RBFOX1: variants seen among roughly 807,000 people sequenced by gnomAD.
RBFOX1 encodes the protein RNA binding protein fox-1 homolog 1.
In RBFOX1, 8 loss-of-function variants were observed where a neutral mutation model predicts 57.7. The ratio of observed to expected loss-of-function variants is 0.14; its 90% CI spans 0.08 to 0.25. The LOEUF (loss-of-function observed/expected upper bound fraction) is 0.25, where lower values mean the gene tolerates loss of function less well. Among genes scored for constraint, RBFOX1 ranks in the 10% least tolerant of loss-of-function variants. RBFOX1 has a pLI of 1.00. For missense variants in RBFOX1, 611 were observed against 548.5 expected (o/e 1.11, Z -1.14); for synonymous variants, 326 against 222.4 (o/e 1.47, Z -4.15).
intron 2 of RBFOX1, among the ~76,000 whole-genome samples, chr16:6,527,525 G>A (rs1387870593): frequency 1.3e-5 from 2 of 152,088 alleles, no homozygotes; most frequent in Admixed American, 6.5e-5. Flanking sequence ...TTATGTTTCT[G>A]TCTGTTCACT....
At chr16:7,602,410 G>C (rs1407990393) in intron 9 of RBFOX1, among the ~76,000 whole-genome samples, 3 of 152,180 alleles carry the variant, frequency 2.0e-5, no homozygotes, top group East Asian at 1.9e-4. Context: ...GCTGGGACCA[G>C]TGGGCCTTAT....
At chr16:6,055,730 C>G (rs937316066) in intron 1 of RBFOX1, among the ~76,000 whole-genome samples, 4 of 151,714 alleles carry the variant, frequency 2.6e-5, no homozygotes, top group Non-Finnish European at 4.4e-5. Flanking sequence ...TCAGAAGGAG[C>G]GATCACCCAG....
chr16:7,260,365 C>T (rs2094870687), intron 4 of RBFOX1, among the ~76,000 whole-genome samples: 1 of 152,140 alleles, frequency 6.6e-6, no homozygotes, highest in African/African-American at 2.4e-5. Flanking sequence ...AAACGCCGCT[C>T]TTAAAAATTA....
At chr16:6,451,576 C>T (rs965670475) in intron 2 of RBFOX1, among the ~76,000 whole-genome samples, 1 of 152,136 alleles carries the variant, frequency 6.6e-6, no homozygotes, top group Non-Finnish European at 1.5e-5. Flanking sequence ...GGTATTACCA[C>T]CTTCACCTGG....
intron 3 of RBFOX1, among the ~76,000 whole-genome samples, chr16:7,021,848 C>G (rs922268831): frequency 3.3e-5 from 5 of 151,416 alleles, no homozygotes; most frequent in African/African-American, 1.2e-4. Flanking sequence ...TTGGTATTAT[C>G]TTCATTCTAA....
At chr16:7,371,471 C>T (rs2097564470) in intron 4 of RBFOX1, among the ~76,000 whole-genome samples, 1 of 152,152 alleles carries the variant, frequency 6.6e-6, no homozygotes, top group East Asian at 1.9e-4. Flanking sequence ...CATATATGGC[C>T]AGGTGCGGTG....
At chr16:7,236,151 C>T (rs1017963973) in intron 4 of RBFOX1, among the ~76,000 whole-genome samples, 3 of 152,182 alleles carry the variant, frequency 2.0e-5, no homozygotes, top group Non-Finnish European at 4.4e-5. Flanking sequence ...CTCACCTAAA[C>T]ATTGCTACTG....
intron 1 of RBFOX1, among the ~76,000 whole-genome samples, chr16:6,207,924 C>G (rs557912046): frequency 6.6e-6 from 1 of 151,948 alleles, no homozygotes; most frequent in African/African-American, 2.4e-5. Flanking sequence ...AATGTGACTC[C>G]AAATTATCGG....
At chr16:6,548,247 G>C (rs550792546) in intron 2 of RBFOX1, among the ~76,000 whole-genome samples, 3 of 152,156 alleles carry the variant, frequency 2.0e-5, no homozygotes, top group African/African-American at 7.2e-5. Flanking sequence ...TGTTTTGCTA[G>C]ATGTCAGCAA....
intron 2 of RBFOX1, among the ~76,000 whole-genome samples, chr16:6,402,996 T>C (rs2093136714): frequency 6.6e-6 from 1 of 152,210 alleles, no homozygotes; most frequent in South Asian, 2.1e-4. Context: ...CAGTTTTTTC[T>C]GTTTATTGTT....
At chr16:6,855,089 A>G (rs1013338636) in intron 3 of RBFOX1, among the ~76,000 whole-genome samples, 1 of 152,064 alleles carries the variant, frequency 6.6e-6, no homozygotes, top group African/African-American at 2.4e-5. Context: ...TCCCAACAGA[A>G]GAGAAGGATG....
chr16:6,940,458 A>C (rs1196192298), intron 3 of RBFOX1, among the ~76,000 whole-genome samples: 3 of 152,222 alleles, frequency 2.0e-5, no homozygotes, highest in African/African-American at 7.2e-5. Context: ...AAAACTGACG[A>C]GTGAGTGATG....
In RBFOX1 at chr16:6,641,778, A is replaced by AAAAAAAAAAAG. The variant is rs1568006199; in HGVS notation, c.-63-12825_-63-12824insAAAAAAAAAAG. 1.6e-4 allele frequency among the ~76,000 whole-genome samples: 5 copies of AAAAAAAAAAAG among 31,798 alleles called. 1 individual carries two copies. The highest frequency in any genetic ancestry group is 9.6e-4 in the Admixed American group (2 of 2,094). The allele number at this position is 31,798 out of a possible 152,430, so 20.9% of individuals were successfully genotyped here. ...AAAAAAAAAAAAAAAAAAAAAAAAA[A>AAAAAAAAAAAG]TAGGTTCTGCCCTGAGCCTTTCAGG... On this transcript the variant is annotated intron_variant, in intron 2 of 15. Coordinates refer to ENST00000550418, the MANE Select transcript of RBFOX1 (RefSeq NM_018723.4).
At chr16:6,351,800 A>G (rs928710979) in intron 2 of RBFOX1, among the ~76,000 whole-genome samples, 6 of 152,214 alleles carry the variant, frequency 3.9e-5, no homozygotes, top group African/African-American at 1.4e-4. Context: ...GGAAGGCAAA[A>G]TAAGGATATT....
intron 1 of RBFOX1, among the ~76,000 whole-genome samples, chr16:5,289,039 C>T (rs1171385483): frequency 2.0e-5 from 3 of 152,144 alleles, no homozygotes; most frequent in Admixed American, 6.5e-5. Flanking sequence ...GCAGGGGAAT[C>T]GCTTGAACCT....
rs576260242 is a variant in RBFOX1 at position 6,559,981 on chromosome 16, A to G, written c.-63-94622A>G. Among the ~76,000 whole-genome samples the G allele has an allele frequency of 1.2e-4, 18 of 152,266 alleles. No individual in the cohort carries two copies. In the South Asian group the frequency reaches 3.7e-3, roughly 32 times the overall value. ...CAACCCACATGAACAGACTTTTGTC[A>G]CAGGCCATTGTTCTTCAAGCCCATT... On this transcript the variant is annotated intron_variant, in intron 2 of 15. Coordinates refer to ENST00000550418, the MANE Select transcript of RBFOX1 (RefSeq NM_018723.4).
At chr16:6,513,886 C>T (rs1291898901) in intron 2 of RBFOX1, among the ~76,000 whole-genome samples, 1 of 152,146 alleles carries the variant, frequency 6.6e-6, no homozygotes, top group African/African-American at 2.4e-5. Flanking sequence ...ATACTGTCAC[C>T]TGAGGGGGCG....
intron 4 of RBFOX1, among the ~76,000 whole-genome samples, chr16:7,207,126 A>C (rs1005767292): frequency 5.9e-5 from 9 of 152,178 alleles, no homozygotes; most frequent in African/African-American, 2.2e-4. Context: ...ATCCATCTTC[A>C]TGGCATTTCT....
chr16:6,822,154 G>A (rs149393660), intron 3 of RBFOX1, among the ~76,000 whole-genome samples: 59 of 152,304 alleles, frequency 3.9e-4, no homozygotes, highest in African/African-American at 1.1e-3. Context: ...ACGGGAGCTC[G>A]TGTGCCAAGT....
Sources: gnomAD v4.1 joint callset for allele counts (sites outside exome capture counted in the v4.1 genomes callset) on GRCh38, gnomAD v4.1.1 for gene constraint, MANE v1.5 for transcripts, NCBI Gene and HGNC (gene_info 2026-07-23, HGNC 2026-07-21) for gene names.